Variants in SLC28A1 observed in about 807,000 individuals in gnomAD.
The protein encoded by SLC28A1 is sodium/nucleoside cotransporter 1.
Under a neutral mutation model 74.8 loss-of-function variants are expected in SLC28A1, and 64 were observed. That is an observed-to-expected ratio of 0.86 (90% CI 0.70 to 1.05). SLC28A1 has a LOEUF of 1.05. SLC28A1 is among the 50% of genes least tolerant of loss of function. SLC28A1 has a pLI of 0.00. For missense variants in SLC28A1, 828 were observed against 822.8 expected, an observed-to-expected ratio of 1.01 and a Z score of -0.08; for synonymous variants, 359 against 335.0, an observed-to-expected ratio of 1.07 and a Z score of -0.78.
chr15:84,889,692 CTTTCCTTCCTTCCTT>C (rs1965081580), intron 4 of SLC28A1, among the ~76,000 whole-genome samples: 1 of 24,682 alleles, frequency 4.1e-5, no homozygotes, highest in African/African-American at 1.1e-4. Context: ...TTCCTTCCTT[CTTTCCTTCCTTCCTT>C]CTTTCCTTCC....
intron 1 of SLC28A1, 111 bp downstream of exon 1, chr15:84,884,862 T>C: frequency 2.3e-6 from 1 of 434,174 alleles, no homozygotes; most frequent in Non-Finnish European, 3.1e-6. Context: ...TTTTCTTCAC[T>C]AGGGCTTGGC....
At chr15:84,934,064 G>A (rs1018868357) in intron 13 of SLC28A1, among the ~76,000 whole-genome samples, 7 of 152,188 alleles carry the variant, frequency 4.6e-5, no homozygotes, top group South Asian at 2.1e-4. Context: ...ATCCATTCAG[G>A]AGGGCAGAGC....
chr15:84,942,736 A>T (rs775335845), intron 15 of SLC28A1, among the ~76,000 whole-genome samples: 3 of 152,136 alleles, frequency 2.0e-5, no homozygotes, highest in Non-Finnish European at 2.9e-5. Context: ...GCCTGAGAGC[A>T]TTCACAGGAG....
intron 6 of SLC28A1, chr15:84,895,440 T>C (rs533192733): frequency 1.9e-6 from 3 of 1,613,730 alleles, no homozygotes; most frequent in Admixed American, 1.7e-5. Flanking sequence ...ACCTGGACAG[T>C]GTGAGACAAA....
intron 9 of SLC28A1, among the ~76,000 whole-genome samples, chr15:84,910,948 A>G (rs1968111284): frequency 6.6e-6 from 1 of 152,332 alleles, no homozygotes; most frequent in Admixed American, 6.5e-5. Flanking sequence ...GCTAGGCAGG[A>G]AGAGGAAATG....
At chr15:84,963,984 G>C in the SLC28A1 span, among the ~76,000 whole-genome samples, 1 of 152,020 alleles carries the variant, frequency 6.6e-6, no homozygotes, top group Non-Finnish European at 1.5e-5. Flanking sequence ...TTTCTTTCAT[G>C]TACCTAATTC....
At chr15:84,903,962 T>A in intron 6 of SLC28A1, 135 bp from the exon 7 acceptor site, 1 of 1,166,922 alleles carries the variant, frequency 8.6e-7, no homozygotes, top group South Asian at 1.3e-5. Context: ...GAGCTGGTGC[T>A]CTTTCCACTC....
At chr15:84,920,899 A>G (rs1299123154) in intron 10 of SLC28A1, 90 bp from the exon 11 acceptor site, 5 of 1,004,544 alleles carry the variant, frequency 5.0e-6, no homozygotes, top group Non-Finnish European at 6.4e-6. Context: ...GGGAGTTGGG[A>G]GGAAACTGTG....
chr15:84,901,376 G>T (rs1038281190), intron 6 of SLC28A1, among the ~76,000 whole-genome samples: 1 of 151,974 alleles, frequency 6.6e-6, no homozygotes, highest in Non-Finnish European at 1.5e-5. Context: ...ATATGGTGAC[G>T]GGCACCTGTA....
intron 8 of SLC28A1, among the ~76,000 whole-genome samples, chr15:84,908,332 C>T (rs184756856): frequency 6.6e-6 from 1 of 151,814 alleles, no homozygotes; most frequent in Admixed American, 6.6e-5. Flanking sequence ...TACAGGTGCC[C>T]ACCACCATGC....
chr15:84,933,229 G>A lies in SLC28A1; in HGVS notation c.1168G>A (p.Glu390Lys). 1 of 1,613,840 alleles carries A rather than the reference G, an allele frequency of 6.2e-7. No individual in the cohort carries two copies. Among genetic ancestry groups the A allele is most frequent in the Non-Finnish European group, 8.5e-7 (1 of 1,179,870 alleles). ...ALSKLVYPEV[E>K]ESKFRREEGV... The stretch of plus-strand genomic sequence containing the variant: ...CTCCAAGCTGGTCTACCCGGAGGTG[G>A]AGGAGTCCAAGTTTAGGAGGGAGGA... The change falls in exon 13 of 19, where the codon GAG becomes AAG. Residue 390 changes from glutamate to lysine, a missense_variant. This residue lies in a region of SLC28A1 where 767 missense variants were observed against 753.5 expected (regional missense o/e 1.02). Transcript: ENST00000394573.
chr15:84,928,598 C>T (rs1567172610), intron 12 of SLC28A1, among the ~76,000 whole-genome samples: 2 of 13,890 alleles, frequency 1.4e-4, no homozygotes, highest in African/African-American at 1.1e-3. Context: ...TTCTTTCTTT[C>T]TTTCTTTTCT....
intron 5 of SLC28A1, among the ~76,000 whole-genome samples, chr15:84,893,091 G>A (rs746163780): frequency 1.0e-4 from 12 of 118,784 alleles, no homozygotes; most frequent in Admixed American, 2.8e-4. Flanking sequence ...TTCCTGGCCC[G>A]CCCCGACCAC....
intron 5 of SLC28A1, among the ~76,000 whole-genome samples, chr15:84,891,129 A>G (rs1965325451): frequency 6.6e-6 from 1 of 152,142 alleles, no homozygotes; most frequent in African/African-American, 2.4e-5. Flanking sequence ...GAGCCACTGA[A>G]GGTTTTGAAC....
chr15:84,920,463 A>AAAGGAG (rs1555451244), intron 10 of SLC28A1, among the ~76,000 whole-genome samples: 2 of 141,526 alleles, frequency 1.4e-5, no homozygotes, highest in Admixed American at 1.5e-4. Context: ...AAAGGAAAGG[A>AAAGGAG]AAGGGGAAGG....
At chr15:84,906,716 T>G (rs113083375) in intron 8 of SLC28A1, among the ~76,000 whole-genome samples, 4,146 of 150,884 alleles carry the variant, frequency 0.027, 72 homozygotes, top group Non-Finnish European at 0.044. Flanking sequence ...ACTCCTGGGC[T>G]CAAGTGATCT....
chr15:84,956,476 T>TTTCTTTCTTTCTTTCC, the SLC28A1 span, among the ~76,000 whole-genome samples: 586 of 119,838 alleles, frequency 4.9e-3, 8 homozygotes, highest in African/African-American at 7.3e-3. Flanking sequence ...TCCTTCTTTC[T>TTTCTTTCTTTCTTTCC]TTCTTTCTTT....
intron 12 of SLC28A1, among the ~76,000 whole-genome samples, chr15:84,928,618 T>TGAGACAGAG (rs1567172923): frequency 6.0e-5 from 2 of 33,288 alleles, no homozygotes; most frequent in African/African-American, 3.2e-4. Context: ...TTTCTTTCTT[T>TGAGACAGAG]TCTTTCTTTC....
intron 5 of SLC28A1, among the ~76,000 whole-genome samples, chr15:84,894,143 G>A (rs1386251692): frequency 6.6e-6 from 1 of 152,096 alleles, no homozygotes; most frequent in East Asian, 1.9e-4. Context: ...AGGCTGAGGT[G>A]GGCGGATCAC....
Sources: gnomAD v4.1 joint callset for allele counts (sites outside exome capture counted in the v4.1 genomes callset) on GRCh38, gnomAD v4.1.1 for gene constraint, gnomAD v4.1.1 regional missense constraint, MANE v1.5 for transcripts, NCBI Gene and HGNC (gene_info 2026-07-23, HGNC 2026-07-21) for gene names.